UBAC2: variants seen among roughly 807,000 people sequenced by gnomAD.
The protein encoded by UBAC2 is UBA domain containing 2, also known as ubiquitin-associated domain-containing protein 2.
Under a neutral mutation model 44.0 loss-of-function variants are expected in UBAC2, and 26 were observed. The observed-to-expected ratio is 0.59, with a 90% CI of 0.43 to 0.82. The LOEUF is 0.82. Among genes scored for constraint, UBAC2 ranks in the 40% least tolerant of loss-of-function variants. The pLI is 0.00. For synonymous variants in UBAC2, 155 were observed against 154.3 expected (o/e 1.00, Z -0.04); for missense variants, 329 against 419.4 (o/e 0.78, Z 1.88).
At chr13:99,339,228 C>T (rs2044847888) in intron 6 of UBAC2, among the ~76,000 whole-genome samples, 1 of 152,194 alleles carries the variant, frequency 6.6e-6, no homozygotes, top group Non-Finnish European at 1.5e-5. Context: ...TTCCCCAGTT[C>T]ATCAAGTCAC....
intron 4 of UBAC2, among the ~76,000 whole-genome samples, chr13:99,306,335 C>T (rs1416511952): frequency 1.3e-5 from 2 of 152,144 alleles, no homozygotes; most frequent in Admixed American, 6.5e-5. Flanking sequence ...GTTGTAAGGA[C>T]TTGGCAGTAG....
At chr13:99,316,416 T>C (rs2044491135) in intron 5 of UBAC2, among the ~76,000 whole-genome samples, 1 of 152,134 alleles carries the variant, frequency 6.6e-6, no homozygotes, top group Non-Finnish European at 1.5e-5. Context: ...AATGAATGAA[T>C]GGATGAATGA....
At chr13:99,268,628 A>AG (rs1403998744) in intron 4 of UBAC2, among the ~76,000 whole-genome samples, 50 of 142,030 alleles carry the variant, frequency 3.5e-4, no homozygotes, top group Non-Finnish European at 3.2e-4. Flanking sequence ...AAAAAAAAAA[A>AG]AAAAAAGAAA....
intron 8 of UBAC2, among the ~76,000 whole-genome samples, chr13:99,373,316 C>T (rs1177277437): frequency 6.6e-6 from 1 of 151,462 alleles, no homozygotes; most frequent in Non-Finnish European, 1.5e-5. Flanking sequence ...CTCTTCTGAC[C>T]CTCCCAAAGC....
At chr13:99,381,047 G>A (rs942261588) in intron 8 of UBAC2, among the ~76,000 whole-genome samples, 7 of 152,216 alleles carry the variant, frequency 4.6e-5, no homozygotes, top group South Asian at 4.1e-4. Flanking sequence ...GGCACATGTC[G>A]TTCATGTCTG....
intron 1 of UBAC2, chr13:99,215,463 A>C (rs1026138702): frequency 9.4e-6 from 13 of 1,385,140 alleles, no homozygotes; most frequent in Non-Finnish European, 1.2e-5. Context: ...CTTGATGAGA[A>C]TCCAATTCTT....
intron 8 of UBAC2, among the ~76,000 whole-genome samples, chr13:99,382,850 G>C (rs190159388): frequency 1.2e-3 from 185 of 152,322 alleles, no homozygotes; most frequent in African/African-American, 4.2e-3. Context: ...TCAGGGCAGA[G>C]GGCAGAGACA....
intron 6 of UBAC2, among the ~76,000 whole-genome samples, chr13:99,322,694 C>A (rs531243652): frequency 4.6e-5 from 7 of 152,300 alleles, no homozygotes; most frequent in African/African-American, 1.7e-4. Flanking sequence ...CAATCTGTTA[C>A]ACCCAAAAGT....
At chr13:99,244,395 GTA>G (rs939361598) in intron 3 of UBAC2, 118 bp from the exon 4 acceptor site, 6 of 653,970 alleles carry the variant, frequency 9.2e-6, no homozygotes, top group African/African-American at 7.3e-5. Context: ...ATGCATGTGT[GTA>G]TATACACACA....
chr13:99,301,272 G>T (rs530429351), intron 4 of UBAC2, among the ~76,000 whole-genome samples: 2 of 152,332 alleles, frequency 1.3e-5, no homozygotes, highest in Admixed American at 6.5e-5. Flanking sequence ...TCCACCTGTG[G>T]AACAGGGCCC....
At chr13:99,366,640 T>A (rs1031183411) in intron 7 of UBAC2, among the ~76,000 whole-genome samples, 1 of 151,966 alleles carries the variant, frequency 6.6e-6, no homozygotes, top group Non-Finnish European at 1.5e-5. Context: ...TTTTTTTTCA[T>A]CCCTTTCGCT....
At chr13:99,301,820 A>G (rs1198187951) in intron 4 of UBAC2, among the ~76,000 whole-genome samples, 1 of 152,240 alleles carries the variant, frequency 6.6e-6, no homozygotes, top group African/African-American at 2.4e-5. Flanking sequence ...CAGAAACAGA[A>G]CAAAACCTTT....
chr13:99,290,279 C>G (rs1219064165), intron 4 of UBAC2, among the ~76,000 whole-genome samples: 1 of 152,136 alleles, frequency 6.6e-6, no homozygotes, highest in Non-Finnish European at 1.5e-5. Flanking sequence ...TAATTGTTAG[C>G]AAGTATTTAT....
intron 4 of UBAC2, among the ~76,000 whole-genome samples, chr13:99,291,098 C>T (rs2044084115): frequency 6.6e-6 from 1 of 152,156 alleles, no homozygotes; most frequent in Admixed American, 6.5e-5. Flanking sequence ...ATTAAACCGG[C>T]TCTGCCACAC....
chr13:99,343,849 T>C (rs181592690), intron 7 of UBAC2, among the ~76,000 whole-genome samples: 21 of 152,392 alleles, frequency 1.4e-4, no homozygotes, highest in African/African-American at 4.8e-4. Context: ...TTTGTGTGCA[T>C]GCACGAGTAC....
intron 1 of UBAC2, among the ~76,000 whole-genome samples, chr13:99,236,806 C>T (rs1029210804): frequency 6.6e-6 from 1 of 152,028 alleles, no homozygotes; most frequent in African/African-American, 2.4e-5. Context: ...GCCGAGATGG[C>T]ACCACTTCAC....
chr13:99,356,027 A>G lies in UBAC2; in HGVS notation c.808-11760A>G, dbSNP rs1482749507. The G allele has an allele frequency of 7.4e-6, 3 of 403,726 alleles. No homozygotes were observed. In the East Asian group the frequency reaches 1.8e-4, roughly 24 times the overall value. The allele number at this position is 403,726 out of a possible 1,614,324, so 25.0% of individuals were successfully genotyped here. On this transcript the variant is annotated intron_variant, in intron 7 of 8. Transcript: ENST00000403766. ...GAAACCAACTGAACCTGTTTGTAAA[A>G]TTGTACCTATGTCACAGTAAGATCA...
At chr13:99,255,506 T>G (rs755626668) in intron 4 of UBAC2, 1 of 1,614,158 alleles carries the variant, frequency 6.2e-7, no homozygotes, top group Non-Finnish European at 8.5e-7. Context: ...GGCTGTACAA[T>G]GGCCATGTAT....
chr13:99,353,694 A>G (rs1284676762), intron 7 of UBAC2, among the ~76,000 whole-genome samples: 2 of 151,780 alleles, frequency 1.3e-5, no homozygotes, highest in Admixed American at 6.6e-5. Flanking sequence ...TATTAGAAAA[A>G]TCATCCTCAT....
Sources: allele counts gnomAD v4.1 joint callset (sites outside exome capture counted in the v4.1 genomes callset), GRCh38; gene constraint gnomAD v4.1.1; transcripts MANE v1.5; gene names NCBI Gene and HGNC (gene_info 2026-07-23, HGNC 2026-07-21).